The following NHLRC3 variants were observed in gnomAD, a reference collection of about 807,000 sequenced individuals.
The protein encoded by NHLRC3 is NHL repeat-containing protein 3.
NHLRC3 carries 23 observed loss-of-function variants against 32.0 expected under a neutral mutation model. That is an observed-to-expected ratio of 0.72 (90% CI 0.52 to 1.02). The LOEUF (loss-of-function observed/expected upper bound fraction) is 1.02. Among genes scored for constraint, NHLRC3 ranks in the 50% least tolerant of loss-of-function variants. The probability of loss-of-function intolerance (pLI) is 0.00; values close to 1 mark genes in which losing one functional copy is unlikely to be tolerated. For missense variants in NHLRC3, 407 were observed against 406.8 expected, an observed-to-expected ratio of 1.00 and a Z score of -0.01; for synonymous variants, 159 against 147.9, an observed-to-expected ratio of 1.08 and a Z score of -0.55.
chr13:39,047,701 T>G lies in NHLRC3; in HGVS notation c.819T>G (p.Ile273Met), dbSNP rs142754977. 4.0e-5 allele frequency: 65 copies of G among 1,613,852 alleles called. No individual in the cohort carries two copies. The African/African-American group carries it at 7.5e-4, about 19-fold the overall frequency. The change falls in exon 7 of 7, where the codon ATT (isoleucine) becomes ATG (methionine). Residue 273 changes from isoleucine (I) to methionine (M), a missense_variant. By Grantham distance (10) the Ile-to-Met change is conservative. Transcript: ENST00000379600. ...TTACTCCTGATGGGAAGTACTTGAT[T>G]GTGGCCCAGCTGAATCTTAGCAGGC... The part of the protein sequence containing the change: ...VRFTPDGKYL[I>M]VAQLNLSRLS...
rs201137440 is a variant in NHLRC3, at chr13:39,047,716, T to C, written c.834T>C (p.Asn278=). 56 of 1,613,894 alleles carry C rather than the reference T, an allele frequency of 3.5e-5. No homozygotes were observed. The Middle Eastern group carries it at 2.5e-3, about 71-fold the overall frequency. The change falls in exon 7 of 7, where the codon AAT becomes AAC. Residue 278 remains asparagine (N), a synonymous_variant. Coordinates refer to ENST00000379600, the MANE Select transcript of NHLRC3 (RefSeq NM_001012754.4). ...DGKYLIVAQL[N]LSRLSVVAAP... ...AGTACTTGATTGTGGCCCAGCTGAA[T>C]CTTAGCAGGCTCTCAGTCGTAGCAG...
At position 39,038,711 on chromosome 13, in the gene NHLRC3, T is replaced by C; in HGVS notation, c.72T>C (p.Phe24=). 6.2e-7 allele frequency: 1 copy of C among 1,613,920 alleles called. No homozygotes were observed. The highest frequency in any genetic ancestry group is 8.5e-7 in the Non-Finnish European group (1 of 1,179,772). Residue 24 remains phenylalanine (F), a synonymous_variant, in exon 1 of 7, where the codon TTT becomes TTC. Coordinates refer to ENST00000379600, the MANE Select transcript of NHLRC3 (RefSeq NM_001012754.4). ...FLAFLVLHSR[F]CGSPVLRNFT... is the part of the protein sequence containing the mutation. The stretch of plus-strand genomic sequence containing the variant: ...CATTTTTGGTTTTGCATTCGCGTTT[T>C]TGTGGCTCTCCAGTGAGTTGGGTAG...
chr13:39,038,547 C>T lies in NHLRC3; in HGVS notation c.-93C>T. On this transcript the variant is annotated 5_prime_UTR_variant, in exon 1 of 7. Transcript: ENST00000379600. ...TAGGGTCTTCGGGCCCCGGGCAGAC[C>T]CTCTGTGCCGCTGCAAACCGTTGCA... 1 of 1,077,642 alleles carries T rather than the reference C, an allele frequency of 9.3e-7. No individual in the cohort carries two copies. The highest frequency in any genetic ancestry group is 1.4e-6 in the Non-Finnish European group (1 of 692,644). The allele number at this position is 1,077,642 out of a possible 1,614,324, so 66.8% of individuals were successfully genotyped here.
Position 39,039,714 on chromosome 13 carries a change from A to G in NHLRC3, c.385+3A>G, listed in dbSNP as rs1871379183. Reference sequence around the variant, plus strand: ...CTGGATCACGGATGTAGGAAGTGGTATGTATAGTAATATCTATTAAATTAT... The same window carrying G: ...CTGGATCACGGATGTAGGAAGTGGTGTGTATAGTAATATCTATTAAATTAT... On this transcript the variant is annotated splice_donor_region_variant and intron_variant, in intron 3 of 6. Coordinates refer to ENST00000379600, the MANE Select transcript of NHLRC3 (RefSeq NM_001012754.4). 1.9e-6 allele frequency: 3 copies of G among 1,601,186 alleles called. No individual in the cohort carries two copies. The highest frequency in any genetic ancestry group is 2.6e-6 in the Non-Finnish European group (3 of 1,169,970).
chr13:39,043,486 G>T (rs1261649520), intron 4 of NHLRC3, among the ~76,000 whole-genome samples: 2 of 151,966 alleles, frequency 1.3e-5, no homozygotes, highest in Admixed American at 6.6e-5. Flanking sequence ...TTCACATGGC[G>T]GCCCCTTCTT....
In NHLRC3 at chr13:39,047,773, T is replaced by G. The variant is rs1210407639; in HGVS notation, c.891T>G (p.Ser297=). The G allele has an allele frequency of 6.2e-7, 1 of 1,614,086 alleles. No individual in the cohort carries two copies. The highest frequency in any genetic ancestry group is 2.2e-5 in the East Asian group (1 of 44,878). ...APPVGSIGEC[S]VISTIQLADQ... The stretch of plus-strand genomic sequence containing the variant: ...CAGTGGGAAGCATTGGGGAGTGTTC[T>G]GTGATCAGCACAATCCAACTAGCAG... The change falls in exon 7 of 7, where the codon TCT becomes TCG. Residue 297 remains serine (S), a synonymous_variant. Transcript: ENST00000379600.
chr13:39,039,795 G>A lies in NHLRC3; in HGVS notation c.385+84G>A, dbSNP rs1021817602. 6 of 964,092 alleles carry A rather than the reference G, an allele frequency of 6.2e-6. No individual in the cohort carries two copies. The African/African-American group carries it at 9.8e-5, about 16-fold the overall frequency. The allele number at this position is 964,092 out of a possible 1,614,324, so 59.7% of individuals were successfully genotyped here. On this transcript the variant is annotated intron_variant, in intron 3 of 6. Coordinates refer to ENST00000379600, the MANE Select transcript of NHLRC3 (RefSeq NM_001012754.4). ...CTTGTTTGTATTGTTTAAAATCAGA[G>A]TTGCTGAATCTAATTGTAATTTCTT...
In NHLRC3 at chr13:39,038,579, G is replaced by C; in HGVS notation, c.-61G>C. On this transcript the variant is annotated 5_prime_UTR_variant, in exon 1 of 7. Coordinates refer to ENST00000379600, the MANE Select transcript of NHLRC3 (RefSeq NM_001012754.4). ...GCCGCTGCAAACCGTTGCAGCCTGA[G>C]GCTGTCAGGTCCTCCCCCAGACACC... The C allele has an allele frequency of 3.5e-6, 5 of 1,413,540 alleles. No homozygotes were observed. The highest frequency in any genetic ancestry group is 5.0e-6 in the Non-Finnish European group (5 of 996,754). 87.6% of individuals were successfully genotyped at this position (1,413,540 alleles called of 1,614,324 possible).
chr13:39,046,469 T>C (rs1255896183), intron 5 of NHLRC3, among the ~76,000 whole-genome samples: 1 of 152,238 alleles, frequency 6.6e-6, no homozygotes, highest in Non-Finnish European at 1.5e-5. Flanking sequence ...AACCTATTAC[T>C]GTTCTTTATT....
intron 1 of NHLRC3, 70 bp from the exon 2 acceptor site, chr13:39,039,065 CG>C: frequency 1.4e-6 from 1 of 696,678 alleles, no homozygotes. Context: ...CCCTGTTACC[CG>C]GCCCCCCCGC....
At chr13:39,041,011 GTTCAT>G (rs1360180739) in intron 3 of NHLRC3, 1 of 152,108 alleles carries the variant, frequency 6.6e-6, no homozygotes, top group Non-Finnish European at 1.5e-5. Context: ...ATTTCTTTGA[GTTCAT>G]TTTATTCATG....
At position 39,047,759 on chromosome 13, in the gene NHLRC3, A is replaced by T. The variant is rs1871738906; in HGVS notation, c.877A>T (p.Ile293Phe). 1 of 1,614,152 alleles carries T rather than the reference A, an allele frequency of 6.2e-7. No individual in the cohort carries two copies. The highest frequency in any genetic ancestry group is 2.2e-5 in the East Asian group (1 of 44,862). Residue 293 changes from isoleucine to phenylalanine, a missense_variant, in exon 7 of 7, where the codon ATT (isoleucine) becomes TTT (phenylalanine). Transcript: ENST00000379600. Reference protein sequence around the residue: ...SVVAAPPVGSIGECSVISTIQ... With the variant: ...SVVAAPPVGSFGECSVISTIQ... ...CGTAGCAGCACCCCCAGTGGGAAGC[A>T]TTGGGGAGTGTTCTGTGATCAGCAC...
chr13:39,038,851 G>A, intron 1 of NHLRC3, 128 bp downstream of exon 1: 1 of 825,956 alleles, frequency 1.2e-6, no homozygotes, highest in South Asian at 1.4e-5. Context: ...GCCTGCACCT[G>A]GGTCCAAACT....
rs1871758622 is a variant in NHLRC3 at position 39,048,069 on chromosome 13, A to G, written c.*143A>G. On this transcript the variant is annotated 3_prime_UTR_variant, in exon 7 of 7. Transcript: ENST00000379600. Reference sequence around the variant, plus strand: ...AAGATTTGTTTTTGTATCATTAAGAATCTTATATTTTGTTGCCCTCTTGGG... The same window carrying G: ...AAGATTTGTTTTTGTATCATTAAGAGTCTTATATTTTGTTGCCCTCTTGGG... 7 of 703,718 alleles carry G rather than the reference A, an allele frequency of 9.9e-6. No homozygotes were observed. In the South Asian group the frequency reaches 1.4e-4, roughly 15 times the overall value. The allele number at this position is 703,718 out of a possible 1,614,324, so 43.6% of individuals were successfully genotyped here.
chr13:39,039,114 G>A (rs1355840309), intron 1 of NHLRC3, 22 bp from the exon 2 acceptor site: 15 of 1,340,428 alleles, frequency 1.1e-5, no homozygotes, highest in Non-Finnish European at 1.3e-5. Flanking sequence ...AACTAAATCT[G>A]AATTGTCTGA....
intron 4 of NHLRC3, among the ~76,000 whole-genome samples, chr13:39,042,908 C>T (rs1871518373): frequency 6.6e-6 from 1 of 152,088 alleles, no homozygotes; most frequent in Admixed American, 6.5e-5. Flanking sequence ...CATGCATGGT[C>T]TACAGGCATT....
chr13:39,041,333 C>T (rs1871459564), intron 3 of NHLRC3: 1 of 151,978 alleles, frequency 6.6e-6, no homozygotes, highest in Admixed American at 6.6e-5. Context: ...AATTATTTAA[C>T]ATAGAATTGT....
rs367810630 is a variant in NHLRC3, at chr13:39,039,293, G to A, written c.237+5G>A. 3.5e-4 allele frequency: 565 copies of A among 1,606,144 alleles called. No individual in the cohort carries two copies. Among genetic ancestry groups the A allele is most frequent in the Non-Finnish European group, 4.7e-4 (552 of 1,174,776 alleles). On this transcript the variant is annotated splice_donor_5th_base_variant and intron_variant, in intron 2 of 6. Coordinates refer to ENST00000379600, the MANE Select transcript of NHLRC3 (RefSeq NM_001012754.4). ...GGATTGGTTTACATAGGTCAAGTAA[G>A]TAAATAGAGATTTAAAAAAATTATG...
At position 39,047,904 on chromosome 13, in the gene NHLRC3, A is replaced by G. The variant is rs371578088; in HGVS notation, c.1022A>G (p.Tyr341Cys). The G allele has an allele frequency of 2.0e-5, 31 of 1,564,804 alleles. No individual in the cohort carries two copies. Among genetic ancestry groups the G allele is most frequent in the African/African-American group, 6.8e-5 (5 of 73,512 alleles). Residue 341 changes from tyrosine to cysteine, a missense_variant, in exon 7 of 7, where the codon TAT becomes TGT. Physicochemically the swap from Tyr to Cys is radical, Grantham distance 194. Coordinates refer to ENST00000379600, the MANE Select transcript of NHLRC3 (RefSeq NM_001012754.4). ...CAAAAATATGTCCCTTTGAATAGCT[A>G]TGTTCCTTCATTTGGTTCATAATGT... is the stretch of plus-strand genomic sequence containing the variant. ...QVQKYVPLNS[Y>C]VPSFGS
Sources: allele counts gnomAD v4.1 joint callset (sites outside exome capture counted in the v4.1 genomes callset), GRCh38; gene constraint gnomAD v4.1.1; transcripts MANE v1.5; gene names NCBI Gene and HGNC (gene_info 2026-07-23, HGNC 2026-07-21).